Variants in CDC20B observed in about 807,000 individuals in gnomAD.
CDC20B encodes the protein cell division cycle protein 20 homolog B.
In CDC20B, 58 loss-of-function variants were observed where a neutral mutation model predicts 64.1. The observed-to-expected ratio is 0.90, with a 90% CI of 0.73 to 1.13. CDC20B has a LOEUF of 1.13. CDC20B is among the 50% of genes most tolerant of loss of function. CDC20B has a pLI of 0.00. For synonymous variants in CDC20B, 243 were observed against 230.6 expected (o/e 1.05, Z -0.49); for missense variants, 597 against 633.0 (o/e 0.94, Z 0.61).
chr5:55,127,818 G>C (rs1286874009), intron 7 of CDC20B, among the ~76,000 whole-genome samples: 4 of 152,098 alleles, frequency 2.6e-5, no homozygotes, highest in Admixed American at 6.6e-5. Flanking sequence ...GATCCACATG[G>C]GGAATGACAA....
intron 3 of CDC20B, among the ~76,000 whole-genome samples, chr5:55,145,218 C>A (rs576978696): frequency 1.3e-5 from 2 of 152,202 alleles, no homozygotes; most frequent in Non-Finnish European, 2.9e-5. Flanking sequence ...ATGTTTTTCA[C>A]AACCCTTTAT....
intron 9 of CDC20B, among the ~76,000 whole-genome samples, chr5:55,124,493 G>C (rs1238019658): frequency 6.6e-6 from 1 of 152,114 alleles, no homozygotes; most frequent in African/African-American, 2.4e-5. Context: ...ATTACTCAAA[G>C]CCTTAGATCC....
chr5:55,134,744 T>TA (rs1743119182), intron 5 of CDC20B, among the ~76,000 whole-genome samples: 1 of 151,610 alleles, frequency 6.6e-6, no homozygotes, highest in African/African-American at 2.4e-5. Flanking sequence ...CTAAAAAAAA[T>TA]AAAAAATAAG....
chr5:55,145,543 T>C (rs574394592), intron 3 of CDC20B, among the ~76,000 whole-genome samples: 4 of 152,152 alleles, frequency 2.6e-5, no homozygotes, highest in Admixed American at 6.5e-5. Flanking sequence ...AAATGAGAAT[T>C]ACATATTTCA....
intron 2 of CDC20B, among the ~76,000 whole-genome samples, chr5:55,156,950 T>C (rs1481457186): frequency 6.6e-6 from 1 of 152,190 alleles, no homozygotes; most frequent in Non-Finnish European, 1.5e-5. Context: ...AATCCTTCCG[T>C]TTCTTGTGTG....
intron 5 of CDC20B, chr5:55,137,235 G>T (rs1743202437): frequency 4.4e-6 from 1 of 228,922 alleles, no homozygotes; most frequent in Non-Finnish European, 8.9e-6. Flanking sequence ...CATGGAACAG[G>T]ACCTTCTAGA....
chr5:55,127,418 C>T, intron 7 of CDC20B, 67 bp from the exon 8 acceptor site: 1 of 1,254,132 alleles, frequency 8.0e-7, no homozygotes, highest in Non-Finnish European at 1.2e-6. Context: ...TTCTCAAAGG[C>T]CTGAGAGCCA....
intron 2 of CDC20B, among the ~76,000 whole-genome samples, chr5:55,159,320 GT>G (rs1466263038): frequency 6.6e-6 from 1 of 152,166 alleles, no homozygotes; most frequent in Non-Finnish European, 1.5e-5. Flanking sequence ...CCCGGCCTCA[GT>G]TTTTTCCATC....
chr5:55,146,607 G>A (rs772421727), intron 3 of CDC20B, 21 bp downstream of exon 3: 2 of 1,565,526 alleles, frequency 1.3e-6, no homozygotes, highest in Admixed American at 1.7e-5. Flanking sequence ...AAACGGGGCT[G>A]TGGCGTTTGG....
chr5:55,113,893 C>T lies in CDC20B; in HGVS notation c.*325G>A, dbSNP rs777328874. ...TTTGGAGCTGGGGAGAAAAGTCATA[C>T]GGGAAAGAAGTAGAAATCTTTGCTA... On this transcript the variant is annotated 3_prime_UTR_variant, in exon 12 of 12. Transcript: ENST00000381375. The T allele has an allele frequency of 7.4e-5, 15 of 203,316 alleles. No individual in the cohort carries two copies. The highest frequency in any genetic ancestry group is 1.1e-4 in the Non-Finnish European group (11 of 102,642). 12.6% of individuals were successfully genotyped at this position (203,316 alleles called of 1,614,324 possible).
At position 55,120,547 on chromosome 5, in the gene CDC20B, T is replaced by G; in HGVS notation, c.1219A>C (p.Met407Leu). 1.8e-5 allele frequency: 29 copies of G among 1,613,340 alleles called. No individual in the cohort carries two copies. The highest frequency in any genetic ancestry group is 2.5e-5 in the Non-Finnish European group (29 of 1,179,514). Reference sequence around the variant, plus strand: ...CCAGACTGCCAGGGACACCAATCCATGGCCTTTAAAGTTTCACATAATAGC... The same window carrying G: ...CCAGACTGCCAGGGACACCAATCCAGGGCCTTTAAAGTTTCACATAATAGC... ...VITQSTAVKAMDWCPWQSGVL... is the reference protein window; with the variant it reads ...VITQSTAVKALDWCPWQSGVL... Residue 407 changes from methionine (M) to leucine (L), a missense_variant, in exon 10 of 12, where the codon ATG (methionine) becomes CTG (leucine). By Grantham distance (15) the Met-to-Leu change is conservative. Around this residue, in one of 3 missense-constraint regions of CDC20B, gnomAD observed 353 missense variants for 397.0 expected, o/e 0.89. Transcript: ENST00000381375.
intron 6 of CDC20B, among the ~76,000 whole-genome samples, chr5:55,131,559 A>G (rs1490545689): frequency 6.6e-6 from 1 of 152,186 alleles, no homozygotes; most frequent in Non-Finnish European, 1.5e-5. Flanking sequence ...AGCTGTCTCA[A>G]ATATAGTTGT....
At chr5:55,160,469 T>A in intron 2 of CDC20B, 1 of 1,229,242 alleles carries the variant, frequency 8.1e-7, no homozygotes, top group Non-Finnish European at 1.2e-6. Flanking sequence ...ATAAAATCAA[T>A]TTTTTGCTGT....
Position 55,120,502 on chromosome 5 carries a change from C to T in CDC20B, c.1264G>A (p.Gly422Arg). Residue 422 changes from glycine to arginine, a missense_variant, in exon 10 of 12, where the codon GGA becomes AGA. Physicochemically the swap from Gly to Arg is moderately radical, Grantham distance 125. Around this residue, in one of 3 missense-constraint regions of CDC20B, gnomAD observed 353 missense variants for 397.0 expected, o/e 0.89. Transcript: ENST00000381375. ...ATGTGTAAGCGTCCATCCTTCATTC[C>T]TCCTCCAATGGCAAGGACCCCAGAC... is the stretch of plus-strand genomic sequence containing the variant. ...WQSGVLAIGG[G>R]MKDGRLHILD... 6.2e-7 allele frequency: 1 copy of T among 1,613,752 alleles called. No individual in the cohort carries two copies. Among genetic ancestry groups the T allele is most frequent in the Middle Eastern group, 1.7e-4 (1 of 6,058 alleles).
rs754530404 is a variant in CDC20B, at chr5:55,172,665, A to G, written c.64-15T>C. The G allele has an allele frequency of 3.2e-6, 5 of 1,586,826 alleles. No individual in the cohort carries two copies. In the African/African-American group the frequency reaches 5.4e-5, roughly 17 times the overall value. ...ATGATACTTTCCTTTGAAAACACAG[A>G]TAACATATTGAGGGAGAAACTATTT... On this transcript the variant is annotated splice_polypyrimidine_tract_variant and intron_variant, in intron 1 of 11. Transcript: ENST00000381375.
At chr5:55,152,746 C>T (rs940970112) in intron 2 of CDC20B, among the ~76,000 whole-genome samples, 1 of 152,184 alleles carries the variant, frequency 6.6e-6, no homozygotes, top group African/African-American at 2.4e-5. Flanking sequence ...TTCTCTCCTG[C>T]TATATCATAC....
intron 2 of CDC20B, among the ~76,000 whole-genome samples, chr5:55,159,886 T>G (rs1270673601): frequency 1.3e-5 from 2 of 152,200 alleles, no homozygotes; most frequent in Non-Finnish European, 2.9e-5. Context: ...AGCTTTCGAG[T>G]TACAAGAGCA....
At chr5:55,125,173 G>T in intron 8 of CDC20B, 145 bp from the exon 9 acceptor site, 1 of 615,718 alleles carries the variant, frequency 1.6e-6, no homozygotes, top group Non-Finnish European at 2.8e-6. Flanking sequence ...GGGTTAATAA[G>T]GATGGAGTGT....
rs183888133 is a variant in CDC20B at position 55,125,013 on chromosome 5, C to T, written c.1005G>A (p.Gly335=). The change falls in exon 9 of 12, where the codon GGG becomes GGA. Residue 335 remains glycine, a synonymous_variant. Transcript: ENST00000381375. ...CCCGAACATCGTGATGATAAACACG[C>T]CCCAGTCTTGACCCACTGCGAGTTT... is the stretch of plus-strand genomic sequence containing the variant. ...HFILSSGSRL[G]RVYHHDVRVA... is the part of the protein sequence containing the mutation. The T allele has an allele frequency of 1.2e-6, 2 of 1,613,162 alleles. No individual in the cohort carries two copies. The highest frequency in any genetic ancestry group is 4.5e-5 in the East Asian group (2 of 44,838).
Sources: allele counts gnomAD v4.1 joint callset (sites outside exome capture counted in the v4.1 genomes callset), GRCh38; gene constraint gnomAD v4.1.1; regional missense constraint gnomAD v4.1.1; transcripts MANE v1.5; gene names NCBI Gene and HGNC (gene_info 2026-07-23, HGNC 2026-07-21).